FSHR: variants seen among roughly 807,000 people sequenced by gnomAD.
FSHR encodes the protein follicle stimulating hormone receptor.
FSHR carries 46 observed loss-of-function variants against 52.1 expected under a neutral mutation model. The observed-to-expected ratio is 0.88, with a 90% CI of 0.70 to 1.13. The LOEUF (loss-of-function observed/expected upper bound fraction) is 1.13, where lower values mean the gene tolerates loss of function less well. Among genes scored for constraint, FSHR ranks in the 50% most tolerant of loss-of-function variants. FSHR has a pLI of 0.00. For missense variants in FSHR, 964 were observed against 834.6 expected (o/e 1.16, Z -1.91); for synonymous variants, 399 against 309.6 (o/e 1.29, Z -3.03).
chr2:49,121,450 C>A (rs904866161), intron 1 of FSHR, among the ~76,000 whole-genome samples: 4 of 152,118 alleles, frequency 2.6e-5, no homozygotes, highest in Non-Finnish European at 5.9e-5. Flanking sequence ...AGAAATCTGG[C>A]CTGTATTGAT....
chr2:49,002,841 C>T (rs972349876), intron 4 of FSHR, among the ~76,000 whole-genome samples: 1 of 152,062 alleles, frequency 6.6e-6, no homozygotes, highest in African/African-American at 2.4e-5. Context: ...CTTTGGATCT[C>T]CTGTAAAGAA....
intron 4 of FSHR, among the ~76,000 whole-genome samples, chr2:49,007,837 T>C (rs1346057556): frequency 1.3e-5 from 2 of 152,086 alleles, no homozygotes; most frequent in Non-Finnish European, 2.9e-5. Flanking sequence ...CATTTAATCC[T>C]ACACTGGTCT....
At chr2:49,125,507 A>G (rs891538551) in intron 1 of FSHR, among the ~76,000 whole-genome samples, 8 of 152,212 alleles carry the variant, frequency 5.3e-5, no homozygotes, top group African/African-American at 1.9e-4. Flanking sequence ...TAGAATATAA[A>G]GTCCATGAGA....
chr2:49,098,686 G>A (rs180756700), intron 1 of FSHR, among the ~76,000 whole-genome samples: 20 of 149,148 alleles, frequency 1.3e-4, no homozygotes, highest in African/African-American at 4.7e-4. Flanking sequence ...GTGTGTATGT[G>A]TGTGTATGTG....
chr2:48,974,107 G>A (rs982224669), intron 8 of FSHR, among the ~76,000 whole-genome samples: 3 of 152,210 alleles, frequency 2.0e-5, no homozygotes, highest in African/African-American at 4.8e-5. Context: ...AAGGCAGACC[G>A]AGAAATCCAG....
chr2:49,102,759 G>A (rs930897601), intron 1 of FSHR, among the ~76,000 whole-genome samples: 7 of 152,040 alleles, frequency 4.6e-5, no homozygotes, highest in African/African-American at 9.7e-5. Flanking sequence ...AGTTGTATCC[G>A]AAATAATAAA....
intron 1 of FSHR, among the ~76,000 whole-genome samples, chr2:49,119,442 A>G (rs1043168080): frequency 3.3e-5 from 5 of 151,792 alleles, no homozygotes; most frequent in African/African-American, 1.2e-4. Context: ...CTAGAAAGTT[A>G]CATGCTGGAA....
intron 4 of FSHR, among the ~76,000 whole-genome samples, chr2:49,015,803 A>G (rs1236556781): frequency 1.3e-5 from 2 of 152,146 alleles, no homozygotes; most frequent in African/African-American, 4.8e-5. Context: ...CTGTGTAAAT[A>G]AAAATGCAGA....
intron 1 of FSHR, among the ~76,000 whole-genome samples, chr2:49,139,256 C>T (rs1672591329): frequency 6.6e-6 from 1 of 152,172 alleles, no homozygotes; most frequent in South Asian, 2.1e-4. Flanking sequence ...TAGTACCTTT[C>T]TCAACCCTTC....
intron 1 of FSHR, among the ~76,000 whole-genome samples, chr2:49,131,932 T>A (rs546677205): frequency 6.6e-6 from 1 of 152,314 alleles, no homozygotes; most frequent in South Asian, 2.1e-4. Context: ...TTACCTCTTC[T>A]TTTAAAGAAC....
intron 2 of FSHR, among the ~76,000 whole-genome samples, chr2:49,031,652 A>G (rs1223040446): frequency 6.6e-6 from 1 of 152,132 alleles, no homozygotes; most frequent in Non-Finnish European, 1.5e-5. Flanking sequence ...GGTGAAAGCT[A>G]TTACTTCCAG....
At chr2:49,072,749 T>G (rs775242882) in intron 1 of FSHR, among the ~76,000 whole-genome samples, 2 of 152,148 alleles carry the variant, frequency 1.3e-5, no homozygotes, top group Non-Finnish European at 2.9e-5. Flanking sequence ...GGTAAGGAGC[T>G]TTCTACTAGT....
chr2:49,023,167 C>T (rs921280582), intron 2 of FSHR, among the ~76,000 whole-genome samples: 1 of 152,214 alleles, frequency 6.6e-6, no homozygotes, highest in Admixed American at 6.5e-5. Flanking sequence ...CTCCTTTACT[C>T]TACCAGCACT....
chr2:48,969,803 C>A (rs1326200731), intron 8 of FSHR, among the ~76,000 whole-genome samples: 1 of 152,208 alleles, frequency 6.6e-6, no homozygotes, highest in Admixed American at 6.5e-5. Flanking sequence ...TCCTTTCTGG[C>A]AGCAGCACCA....
intron 4 of FSHR, among the ~76,000 whole-genome samples, chr2:49,016,813 C>T (rs1454028997): frequency 1.3e-5 from 2 of 152,024 alleles, no homozygotes; most frequent in South Asian, 2.1e-4. Context: ...AAACAATATG[C>T]GAGGTTAAGT....
At chr2:48,993,522 C>G (rs548855652) in intron 4 of FSHR, among the ~76,000 whole-genome samples, 1 of 152,254 alleles carries the variant, frequency 6.6e-6, no homozygotes, top group East Asian at 1.9e-4. Flanking sequence ...AAAAGACCCT[C>G]TGAATGTCTG....
intron 1 of FSHR, among the ~76,000 whole-genome samples, chr2:49,114,592 T>C (rs1038696227): frequency 1.3e-5 from 2 of 152,006 alleles, no homozygotes; most frequent in Admixed American, 6.5e-5. Flanking sequence ...CTATGAAAAA[T>C]AAAAAGAGTA....
intron 2 of FSHR, among the ~76,000 whole-genome samples, chr2:49,040,396 A>G (rs947072507): frequency 1.1e-4 from 17 of 152,222 alleles, no homozygotes; most frequent in African/African-American, 4.1e-4. Context: ...AGAACTTATC[A>G]TCTTAATTTC....
intron 6 of FSHR, among the ~76,000 whole-genome samples, chr2:48,985,622 T>C (rs1302727833): frequency 6.6e-6 from 1 of 152,046 alleles, no homozygotes; most frequent in Admixed American, 6.5e-5. Flanking sequence ...TGCTGGTTGC[T>C]TTAAAAATAC....
Sources: gnomAD v4.1 joint callset for allele counts (sites outside exome capture counted in the v4.1 genomes callset) on GRCh38, gnomAD v4.1.1 for gene constraint, MANE v1.5 for transcripts, NCBI Gene and HGNC (gene_info 2026-07-23, HGNC 2026-07-21) for gene names.